ASIC2: variants seen among roughly 807,000 people sequenced by gnomAD.
ASIC2 encodes the protein acid-sensing ion channel 2.
In ASIC2, 25 loss-of-function variants were observed where a neutral mutation model predicts 57.3. That is an observed-to-expected ratio of 0.44 (90% CI 0.32 to 0.61). ASIC2 has a LOEUF of 0.61. Ranked by LOEUF, ASIC2 falls within the 20% of genes least tolerant of loss-of-function variation. ASIC2 has a pLI of 0.06. For missense variants in ASIC2, 641 were observed against 738.1 expected (o/e 0.87, Z 1.52); for synonymous variants, 319 against 307.5 (o/e 1.04, Z -0.39).
intron 1 of ASIC2, among the ~76,000 whole-genome samples, chr17:33,474,805 A>G (rs978998900): frequency 1.3e-5 from 2 of 152,152 alleles, no homozygotes; most frequent in Admixed American, 1.3e-4. Flanking sequence ...CAAATGCAGT[A>G]TGTACAGTGT....
intron 1 of ASIC2, among the ~76,000 whole-genome samples, chr17:33,469,740 C>T (rs1912981739): frequency 1.3e-5 from 2 of 152,080 alleles, no homozygotes; most frequent in Admixed American, 1.3e-4. Context: ...TGATGTGATA[C>T]CATATTAAAA....
At chr17:33,621,474 C>A (rs1905795601) in intron 1 of ASIC2, among the ~76,000 whole-genome samples, 1 of 152,190 alleles carries the variant, frequency 6.6e-6, no homozygotes, top group Non-Finnish European at 1.5e-5. Context: ...GGAAGTAGTG[C>A]TCGTTAGATG....
intron 1 of ASIC2, among the ~76,000 whole-genome samples, chr17:33,734,261 T>A (rs1263797631): frequency 2.0e-5 from 3 of 150,774 alleles, no homozygotes; most frequent in Non-Finnish European, 4.4e-5. Context: ...TTCCTGTGTG[T>A]GGCCAGCCCT....
chr17:33,301,270 A>G (rs1417145689), intron 1 of ASIC2, among the ~76,000 whole-genome samples: 3 of 151,146 alleles, frequency 2.0e-5, no homozygotes, highest in Non-Finnish European at 4.4e-5. Flanking sequence ...TGAACTCCTG[A>G]GTTCAAACAA....
intron 1 of ASIC2, among the ~76,000 whole-genome samples, chr17:33,892,472 C>G (rs1036711830): frequency 9.9e-5 from 15 of 152,150 alleles, no homozygotes; most frequent in African/African-American, 3.4e-4. Flanking sequence ...TCCTCATCAG[C>G]TTTCAAACCC....
At chr17:33,082,009 G>A (rs888454170) in intron 3 of ASIC2, among the ~76,000 whole-genome samples, 1 of 152,150 alleles carries the variant, frequency 6.6e-6, no homozygotes, top group Non-Finnish European at 1.5e-5. Context: ...CATTCTCAGG[G>A]CACTTTAGAT....
chr17:33,610,054 G>GCGCGCGCACACA (rs375575593), intron 1 of ASIC2, among the ~76,000 whole-genome samples: 450 of 144,844 alleles, frequency 3.1e-3, no homozygotes, highest in African/African-American at 0.011. Context: ...GGACAGAGGC[G>GCGCGCGCACACA]CACACACACA....
intron 1 of ASIC2, among the ~76,000 whole-genome samples, chr17:34,146,066 A>G (rs1326112028): frequency 6.6e-6 from 1 of 152,204 alleles, no homozygotes; most frequent in African/African-American, 2.4e-5. Flanking sequence ...GAGAATGGGT[A>G]TGGCTCAGCT....
intron 1 of ASIC2, among the ~76,000 whole-genome samples, chr17:33,462,655 G>T (rs145396301): frequency 6.6e-6 from 1 of 152,222 alleles, no homozygotes; most frequent in Non-Finnish European, 1.5e-5. Context: ...TATTTGCTGA[G>T]AAATACAATC....
intron 1 of ASIC2, among the ~76,000 whole-genome samples, chr17:33,452,707 A>G (rs1184301204): frequency 6.7e-6 from 1 of 149,278 alleles, no homozygotes; most frequent in East Asian, 2.0e-4. Context: ...GTCTCTAAAG[A>G]TTGATGTTTT....
chr17:33,103,543 AG>A (rs1280257432), intron 2 of ASIC2, among the ~76,000 whole-genome samples: 1 of 152,146 alleles, frequency 6.6e-6, no homozygotes, highest in East Asian at 1.9e-4. Flanking sequence ...TGGCTCATTC[AG>A]GGGTAAAAGG....
At chr17:33,407,243 C>T (rs995737907) in intron 1 of ASIC2, among the ~76,000 whole-genome samples, 4 of 152,218 alleles carry the variant, frequency 2.6e-5, no homozygotes, top group African/African-American at 9.6e-5. Flanking sequence ...GACAATGTCT[C>T]AGTGCCCAAG....
intron 1 of ASIC2, among the ~76,000 whole-genome samples, chr17:33,254,517 C>T (rs952654094): frequency 2.0e-5 from 3 of 152,038 alleles, no homozygotes; most frequent in Admixed American, 6.6e-5. Context: ...TTGGATGCAC[C>T]CAGCTTCCTC....
chr17:33,310,415 C>T (rs1906362246), intron 1 of ASIC2, among the ~76,000 whole-genome samples: 1 of 152,138 alleles, frequency 6.6e-6, no homozygotes, highest in Non-Finnish European at 1.5e-5. Context: ...CTAGGCTGAT[C>T]ATTAACCTCA....
At chr17:33,239,725 C>A (rs1462617565) in intron 1 of ASIC2, among the ~76,000 whole-genome samples, 1 of 152,200 alleles carries the variant, frequency 6.6e-6, no homozygotes, top group African/African-American at 2.4e-5. Context: ...TTGCTGAGAT[C>A]TGGGGAGAGC....
At chr17:33,804,599 T>C (rs1912220250) in intron 1 of ASIC2, among the ~76,000 whole-genome samples, 2 of 152,208 alleles carry the variant, frequency 1.3e-5, no homozygotes, top group Non-Finnish European at 2.9e-5. Context: ...GTGCCCATCA[T>C]TCTATGGCCA....
At chr17:33,483,305 A>G (rs12452051) in intron 1 of ASIC2, among the ~76,000 whole-genome samples, 124,369 of 152,266 alleles carry the variant, frequency 0.82, 51,235 homozygotes, top group African/African-American at 0.92. Context: ...AGTTTTGCCC[A>G]AGTCTTGTCA....
At chr17:34,073,934 C>T (rs541973477) in intron 1 of ASIC2, among the ~76,000 whole-genome samples, 5 of 152,284 alleles carry the variant, frequency 3.3e-5, no homozygotes, top group African/African-American at 1.2e-4. Flanking sequence ...CCTCCTTCTG[C>T]GTAAGGCTCT....
chr17:33,049,025 T>G (rs538176803), intron 3 of ASIC2, among the ~76,000 whole-genome samples: 2 of 152,260 alleles, frequency 1.3e-5, no homozygotes, highest in Non-Finnish European at 2.9e-5. Context: ...AAGAGATCAT[T>G]TGGGGATCAC....
Sources: gnomAD v4.1 joint callset for allele counts (sites outside exome capture counted in the v4.1 genomes callset) on GRCh38, gnomAD v4.1.1 for gene constraint, MANE v1.5 for transcripts, NCBI Gene and HGNC (gene_info 2026-07-23, HGNC 2026-07-21) for gene names.